Variants in DIP2C observed in about 807,000 individuals in gnomAD.
The protein encoded by DIP2C is disco-interacting protein 2 homolog C.
A neutral mutation model predicts 192.4 loss-of-function variants in DIP2C; 33 were observed. That is an observed-to-expected ratio of 0.17 (90% CI 0.13 to 0.23). The LOEUF (loss-of-function observed/expected upper bound fraction) is 0.23. Among genes scored for constraint, DIP2C ranks in the 10% least tolerant of loss-of-function variants. The pLI is 1.00. For synonymous variants in DIP2C, 979 were observed against 864.1 expected, an observed-to-expected ratio of 1.13 and a Z score of -2.33; for missense variants, 1,537 against 2,110.1, an observed-to-expected ratio of 0.73 and a Z score of 5.32.
rs539472607 is a variant in DIP2C, at chr10:465,987, A to C, written c.268+6452T>G. Among the ~76,000 whole-genome samples the C allele has an allele frequency of 8.9e-3, 1,352 of 151,948 alleles. 11 individuals are homozygous for C. Among genetic ancestry groups the C allele is most frequent in the African/African-American group, 0.011 (474 of 41,356 alleles). On this transcript the variant is annotated intron_variant, in intron 3 of 36. Coordinates refer to ENST00000280886, the MANE Select transcript of DIP2C (RefSeq NM_014974.3). ...CCCAAGGTGATTTACAGATTCAATGACATCCCCATCAAGCTACCAATGACT... is the reference window on the plus strand; with the variant it reads ...CCCAAGGTGATTTACAGATTCAATGCCATCCCCATCAAGCTACCAATGACT...
At chr10:506,168 C>G (rs751679684) in intron 1 of DIP2C, among the ~76,000 whole-genome samples, 1 of 152,124 alleles carries the variant, frequency 6.6e-6, no homozygotes, top group Non-Finnish European at 1.5e-5. Flanking sequence ...ATTTAAATAA[C>G]CTTGACTTGC....
rs937409946 is a variant in DIP2C, at chr10:405,880, C to T, written c.1149+3046G>A. Among the ~76,000 whole-genome samples, 3 of 152,216 alleles carry T rather than the reference C, an allele frequency of 2.0e-5. No homozygotes were observed. The South Asian group carries it at 6.2e-4, about 31-fold the overall frequency. On this transcript the variant is annotated intron_variant, in intron 9 of 36. Transcript: ENST00000280886. Reference sequence around the variant, plus strand: ...GCGAAAGGCTTCAGCACCTTCCACGCTACTTCCTGGAACCCGCCCAAGAGC... The same window carrying T: ...GCGAAAGGCTTCAGCACCTTCCACGTTACTTCCTGGAACCCGCCCAAGAGC...
At position 357,875 on chromosome 10, in the gene DIP2C, T is replaced by A; in HGVS notation, c.2857A>T (p.Ser953Cys). 1 of 1,612,788 alleles carries A rather than the reference T, an allele frequency of 6.2e-7. No individual in the cohort carries two copies. Among genetic ancestry groups the A allele is most frequent in the Non-Finnish European group, 8.5e-7 (1 of 1,179,922 alleles). ...TCGATCTGACCCAGGTCTCTGCCAC[T>A]GGCCTGGGCGATTCTCTTCCCAGAG... ...LVSGKRIAQA[S>C]GRDLGQIEDN... Residue 953 changes from serine to cysteine, a missense_variant, in exon 23 of 37, where the codon AGT (serine) becomes TGT (cysteine). Ser to Cys is a moderately radical substitution (Grantham distance 112, BLOSUM62 -1). Coordinates refer to ENST00000280886, the MANE Select transcript of DIP2C (RefSeq NM_014974.3).
intron 29 of DIP2C, chr10:340,718 C>T (rs1483745509): frequency 2.2e-6 from 1 of 456,328 alleles, no homozygotes; most frequent in South Asian, 1.5e-5. Flanking sequence ...AAGCCAGGCT[C>T]CGAGCCGGCT....
intron 1 of DIP2C, among the ~76,000 whole-genome samples, chr10:548,218 C>CCA (rs1491179004): frequency 7.7e-6 from 1 of 130,396 alleles, no homozygotes. Context: ...ACCCCCCCCC[C>CCA]CACAGGAAAG....
intron 1 of DIP2C, among the ~76,000 whole-genome samples, chr10:655,009 G>A (rs896046844): frequency 1.3e-5 from 2 of 152,208 alleles, no homozygotes; most frequent in African/African-American, 4.8e-5. Context: ...AAGGGTCCCA[G>A]ACAGCCTCCA....
intron 1 of DIP2C, among the ~76,000 whole-genome samples, chr10:495,803 T>TA (rs752040659): frequency 2.7e-5 from 4 of 149,496 alleles, no homozygotes; most frequent in Non-Finnish European, 5.9e-5. Context: ...CCCATGTACT[T>TA]AAATCTCTAC....
intron 9 of DIP2C, among the ~76,000 whole-genome samples, chr10:400,365 G>A (rs1964319644): frequency 6.6e-6 from 1 of 152,166 alleles, no homozygotes; most frequent in Admixed American, 6.5e-5. Flanking sequence ...GGTGTATCTT[G>A]ACGAAGAACA....
At chr10:500,780 C>T (rs537294648) in intron 1 of DIP2C, among the ~76,000 whole-genome samples, 2 of 152,306 alleles carry the variant, frequency 1.3e-5, no homozygotes, top group South Asian at 4.1e-4. Context: ...CAATGGATAA[C>T]AAAACAAGAC....
At chr10:374,694 G>A (rs536599970) in intron 17 of DIP2C, among the ~76,000 whole-genome samples, 1 of 152,292 alleles carries the variant, frequency 6.6e-6, no homozygotes, top group Non-Finnish European at 1.5e-5. Flanking sequence ...TCCAATTTGT[G>A]TTCCCTGTAT....
intron 14 of DIP2C, 31 bp from the exon 15 acceptor site, chr10:384,670 G>A (rs1962715865): frequency 1.9e-6 from 3 of 1,605,880 alleles, no homozygotes; most frequent in Non-Finnish European, 2.6e-6. Context: ...CGCAGGGTGA[G>A]CATGGAGGGG....
chr10:653,034 C>T (rs1308373463), intron 1 of DIP2C, among the ~76,000 whole-genome samples: 4 of 151,934 alleles, frequency 2.6e-5, no homozygotes, highest in Non-Finnish European at 5.9e-5. Flanking sequence ...ACACTTCAGA[C>T]GCGGCCTCGA....
chr10:650,122 C>T (rs1484391899), intron 1 of DIP2C: 2 of 717,194 alleles, frequency 2.8e-6, no homozygotes, highest in Non-Finnish European at 5.2e-6. Context: ...TGGAGTCCTC[C>T]CGTTGGGACA....
At chr10:551,001 C>T (rs1848556268) in intron 1 of DIP2C, among the ~76,000 whole-genome samples, 1 of 152,118 alleles carries the variant, frequency 6.6e-6, no homozygotes, top group South Asian at 2.1e-4. Context: ...GTGCACACGG[C>T]TTCCCCGGGC....
chr10:482,061 C>G (rs1206355653), intron 2 of DIP2C, among the ~76,000 whole-genome samples: 1 of 152,214 alleles, frequency 6.6e-6, no homozygotes, highest in Non-Finnish European at 1.5e-5. Flanking sequence ...TCCGGATGGT[C>G]TGACTGAAGG....
At chr10:325,100 C>T (rs1957214978) in intron 31 of DIP2C, 2 of 370,100 alleles carry the variant, frequency 5.4e-6, no homozygotes, top group Admixed American at 3.5e-5. Context: ...CCCATCTCTA[C>T]TAAAAATACA....
At chr10:588,979 C>G (rs1298940585) in intron 1 of DIP2C, among the ~76,000 whole-genome samples, 1 of 152,224 alleles carries the variant, frequency 6.6e-6, no homozygotes, top group Non-Finnish European at 1.5e-5. Context: ...TCCCGGCTGC[C>G]TCTGTCCTCA....
chr10:387,894 A>AGGGGAAATAACAGATCTT, intron 13 of DIP2C, 85 bp from the exon 14 acceptor site: 2 of 1,350,866 alleles, frequency 1.5e-6, no homozygotes, highest in South Asian at 1.2e-5. Context: ...ATATTGCATC[A>AGGGGAAATAACAGATCTT]GGGGAAATAA....
chr10:423,480 T>TA (rs1200277638), intron 4 of DIP2C, among the ~76,000 whole-genome samples: 1 of 152,240 alleles, frequency 6.6e-6, no homozygotes, highest in Non-Finnish European at 1.5e-5. Flanking sequence ...ATTTTTCTAC[T>TA]ACATCGGTGT....
Sources: gnomAD v4.1 joint callset for allele counts (sites outside exome capture counted in the v4.1 genomes callset) on GRCh38, gnomAD v4.1.1 for gene constraint, MANE v1.5 for transcripts, NCBI Gene and HGNC (gene_info 2026-07-23, HGNC 2026-07-21) for gene names.